LAMP2: variants seen among roughly 807,000 people sequenced by gnomAD.
The protein encoded by LAMP2 is lysosome associated membrane protein 2.
Under a neutral mutation model 25.6 loss-of-function variants are expected in LAMP2, and 4 were observed. The ratio of observed to expected loss-of-function variants is 0.16; its 90% CI spans 0.08 to 0.36. The LOEUF (loss-of-function observed/expected upper bound fraction) is 0.36, where lower values mean the gene tolerates loss of function less well. Ranked by LOEUF, LAMP2 falls within the 10% of genes least tolerant of loss-of-function variation. The pLI, the probability that LAMP2 is intolerant of heterozygous loss-of-function variation, is 1.00. For missense variants in LAMP2, 272 were observed against 301.4 expected (o/e 0.90, Z 0.72); for synonymous variants, 108 against 112.7 (o/e 0.96, Z 0.27).
At chrX:120,438,109 G>A in intron 8 of LAMP2, 1 of 585,558 alleles carries the variant, frequency 1.7e-6, no homozygotes, top group Non-Finnish European at 2.1e-6. Flanking sequence ...CACCCACTTC[G>A]GCCTCCCAAA....
intron 1 of LAMP2, among the ~76,000 whole-genome samples, chrX:120,465,319 A>AAAAC (rs55863724): frequency 0.38 from 41,011 of 107,175 alleles, 6,121 homozygotes; most frequent in Middle Eastern, 0.46. Context: ...GAACCCTAAA[A>AAAAC]AAACAAACAA....
At chrX:120,449,538 C>G (rs1268277602) in intron 3 of LAMP2, among the ~76,000 whole-genome samples, 1 of 111,885 alleles carries the variant, frequency 8.9e-6, no homozygotes, top group Non-Finnish European at 1.9e-5. Flanking sequence ...TTGCTTGAAC[C>G]CGGGAGGCGG....
intron 5 of LAMP2, among the ~76,000 whole-genome samples, chrX:120,447,176 C>T (rs2058600231): frequency 1.8e-5 from 2 of 111,787 alleles, no homozygotes; most frequent in African/African-American, 6.5e-5. Context: ...GAGGCTGAGG[C>T]GGGTGGATCA....
chrX:120,460,563 G>A (rs1051832933), intron 1 of LAMP2, among the ~76,000 whole-genome samples: 2 of 112,116 alleles, frequency 1.8e-5, no homozygotes, highest in African/African-American at 3.2e-5. Flanking sequence ...TCTCTTTTGT[G>A]TCTGCTTTCT....
intron 3 of LAMP2, among the ~76,000 whole-genome samples, chrX:120,454,347 TTAAC>T (rs774171287): frequency 9.0e-6 from 1 of 111,519 alleles, no homozygotes; most frequent in East Asian, 2.8e-4. Context: ...TACTACACCT[TTAAC>T]TAATCATCAT....
Position 120,430,264 on chromosome X carries a change from C to T in LAMP2, c.*1059G>A. On this transcript the variant is annotated 3_prime_UTR_variant, in exon 9 of 9. Coordinates refer to ENST00000200639, the MANE Select transcript of LAMP2 (RefSeq NM_002294.3). ...GCTTCAACAAGGGCTGATTATCTAG[C>T]TCATTTTAATGCCAACAGCTTCTCT... 1 of 754,649 alleles carries T rather than the reference C, an allele frequency of 1.3e-6. No homozygotes were observed. The highest frequency in any genetic ancestry group is 2.3e-5 in the African/African-American group (1 of 43,945). 62.2% of individuals were successfully genotyped at this position (754,649 alleles called of 1,213,427 possible). A position where few individuals can be genotyped will look rare whatever the true frequency, so the allele number is the denominator to read the frequency against.
At chrX:120,464,991 C>T (rs1241386178) in intron 1 of LAMP2, among the ~76,000 whole-genome samples, 1 of 111,691 alleles carries the variant, frequency 9.0e-6, no homozygotes, top group Non-Finnish European at 1.9e-5. Context: ...GATTTGCCCA[C>T]CTTGACCTCC....
chrX:120,454,868 A>G (rs1318510127), intron 3 of LAMP2, among the ~76,000 whole-genome samples: 1 of 101,975 alleles, frequency 9.8e-6, no homozygotes, highest in Non-Finnish European at 2.0e-5. Context: ...GCTGCAGGTA[A>G]CACACTAGGT....
chrX:120,437,691 A>G (rs1057013770), intron 8 of LAMP2: 7 of 748,191 alleles, frequency 9.4e-6, no homozygotes, highest in Admixed American at 8.8e-5. Flanking sequence ...CATAATGAAT[A>G]ATAACAACGA....
chrX:120,461,744 A>G (rs1156482539), intron 1 of LAMP2, among the ~76,000 whole-genome samples: 3 of 112,080 alleles, frequency 2.7e-5, no homozygotes, highest in East Asian at 5.6e-4. Flanking sequence ...TAGATTTTCA[A>G]TAAATACTGA....
chrX:120,454,111 C>T (rs779630281), intron 3 of LAMP2, among the ~76,000 whole-genome samples: 2 of 110,575 alleles, frequency 1.8e-5, no homozygotes, highest in African/African-American at 6.6e-5. Flanking sequence ...ATGATTAAAT[C>T]TCTTGCTGTC....
intron 8 of LAMP2, among the ~76,000 whole-genome samples, chrX:120,440,542 T>C (rs1406728953): frequency 1.8e-5 from 2 of 112,140 alleles, no homozygotes; most frequent in African/African-American, 3.2e-5. Flanking sequence ...TTTAATTCTA[T>C]GTACATAAAA....
rs910876111 is a variant in LAMP2, at chrX:120,427,619, G to A, written c.*3704C>T. ...ATATTCACATAGGGAATGGGAGAGT[G>A]CAGGAGGCACACAAACAAAGTATAT... On this transcript the variant is annotated 3_prime_UTR_variant, in exon 9 of 9. Coordinates refer to ENST00000200639, the MANE Select transcript of LAMP2 (RefSeq NM_002294.3). Among the ~76,000 whole-genome samples, 2 of 111,858 alleles carry A rather than the reference G, an allele frequency of 1.8e-5. No homozygotes were observed. The highest frequency in any genetic ancestry group is 6.5e-5 in the African/African-American group (2 of 30,787).
chrX:120,459,923 A>G (rs1178661186), intron 1 of LAMP2, among the ~76,000 whole-genome samples: 1 of 112,257 alleles, frequency 8.9e-6, no homozygotes, highest in Non-Finnish European at 1.9e-5. Flanking sequence ...CATATTTTGT[A>G]TGTTATATAT....
At position 120,442,811 on chromosome X, in the gene LAMP2, A is replaced by G. The variant is rs1255881980; in HGVS notation, c.865-149T>C. ...AGAATAAACTGCAACTAAGTAAAAG[A>G]GAACTCATAATCTGACAGAAATCCC... On this transcript the variant is annotated intron_variant, in intron 6 of 8. Coordinates refer to ENST00000200639, the MANE Select transcript of LAMP2 (RefSeq NM_002294.3). 5.9e-6 allele frequency: 3 copies of G among 506,989 alleles called. No individual in the cohort carries two copies. The East Asian group carries it at 1.0e-4, about 18-fold the overall frequency. 41.8% of individuals were successfully genotyped at this position (506,989 alleles called of 1,213,427 possible).
intron 6 of LAMP2, among the ~76,000 whole-genome samples, chrX:120,442,973 C>G (rs185635351): frequency 9.0e-6 from 1 of 111,538 alleles, no homozygotes; most frequent in Non-Finnish European, 1.9e-5. Flanking sequence ...TGGATCACAG[C>G]AGCCTCTTAA....
At chrX:120,459,921 G>C (rs866852839) in intron 1 of LAMP2, among the ~76,000 whole-genome samples, 1 of 112,062 alleles carries the variant, frequency 8.9e-6, no homozygotes, top group Non-Finnish European at 1.9e-5. Flanking sequence ...CACATATTTT[G>C]TATGTTATAT....
rs5957380 is a variant in LAMP2, at chrX:120,428,075, C to T, written c.*3248G>A. ...TCTGCCACCAATGAAAATGAATCCACTATGTTCTTGAATTTATTTCCTGAA... is the reference window on the plus strand; with the variant it reads ...TCTGCCACCAATGAAAATGAATCCATTATGTTCTTGAATTTATTTCCTGAA... On this transcript the variant is annotated 3_prime_UTR_variant, in exon 9 of 9. Transcript: ENST00000200639. 10,199 of 113,062 alleles carry T rather than the reference C, an allele frequency of 0.09. 1,120 individuals carry two copies. The highest frequency in any genetic ancestry group is 0.31 in the African/African-American group (9,451 of 30,609). 9.3% of individuals were successfully genotyped at this position (113,062 alleles called of 1,213,427 possible).
rs916829066 is a variant in LAMP2, at chrX:120,430,766, T to C, written c.*557A>G. On this transcript the variant is annotated 3_prime_UTR_variant, in exon 9 of 9. Coordinates refer to ENST00000200639, the MANE Select transcript of LAMP2 (RefSeq NM_002294.3). ...AGAAATCAGCAAAAGTCACATAACC[T>C]TTAAAATGCTGATGGTCCTGAGGAC... 2 of 753,026 alleles carry C rather than the reference T, an allele frequency of 2.7e-6. No individual in the cohort carries two copies. The highest frequency in any genetic ancestry group is 4.6e-5 in the African/African-American group (2 of 43,229). 62.1% of individuals were successfully genotyped at this position (753,026 alleles called of 1,213,427 possible). A position where few individuals can be genotyped will look rare whatever the true frequency, so the allele number is the denominator to read the frequency against.
Sources: gnomAD v4.1 joint callset for allele counts (sites outside exome capture counted in the v4.1 genomes callset) on GRCh38, gnomAD v4.1.1 for gene constraint, MANE v1.5 for transcripts, NCBI Gene and HGNC (gene_info 2026-07-23, HGNC 2026-07-21) for gene names.